KIF16B: variants seen among roughly 807,000 people sequenced by gnomAD.
The protein encoded by KIF16B is kinesin family member 16B, also known as kinesin-like protein KIF16B.
Under a neutral mutation model 156.3 loss-of-function variants are expected in KIF16B, and 98 were observed. The ratio of observed to expected loss-of-function variants is 0.63; its 90% CI spans 0.53 to 0.74. The LOEUF is 0.74. Among genes scored for constraint, KIF16B ranks in the 30% least tolerant of loss-of-function variants. The probability of loss-of-function intolerance (pLI) is 0.00; values close to 1 mark genes in which losing one functional copy is unlikely to be tolerated. For synonymous variants in KIF16B, 564 were observed against 583.7 expected (o/e 0.97, Z 0.49); for missense variants, 1,421 against 1,606.5 (o/e 0.88, Z 1.97).
At chr20:16,500,974 G>A (rs1019350259) in intron 10 of KIF16B, among the ~76,000 whole-genome samples, 2 of 152,016 alleles carry the variant, frequency 1.3e-5, no homozygotes, top group East Asian at 1.9e-4. Flanking sequence ...GAGAGATGAG[G>A]AAGTCAAGAG....
intron 12 of KIF16B, among the ~76,000 whole-genome samples, chr20:16,457,585 G>A (rs998801993): frequency 1.3e-5 from 2 of 152,156 alleles, no homozygotes; most frequent in Admixed American, 6.5e-5. Context: ...GCCTGGCAGT[G>A]GCTTGTAAGC....
chr20:16,562,850 TCA>T (rs2071116697), intron 1 of KIF16B, among the ~76,000 whole-genome samples: 1 of 152,158 alleles, frequency 6.6e-6, no homozygotes, highest in South Asian at 2.1e-4. Context: ...TCTTTGAGAC[TCA>T]GTTTCCCATC....
Position 16,273,004 on chromosome 20 carries a change from G to C in KIF16B, c.*249C>G. On this transcript the variant is annotated 3_prime_UTR_variant, in exon 26 of 26. Coordinates refer to ENST00000354981, the MANE Select transcript of KIF16B (RefSeq NM_024704.5). ...GCGCAGTGAGAAGGAAGCACTGTGGGAAAAGGCCACGTTCAACCGCAATGG... is the reference window on the plus strand; with the variant it reads ...GCGCAGTGAGAAGGAAGCACTGTGGCAAAAGGCCACGTTCAACCGCAATGG... The C allele has an allele frequency of 2.2e-6, 1 of 449,468 alleles. No individual in the cohort carries two copies. The allele number at this position is 449,468 out of a possible 1,614,324, so 27.8% of individuals were successfully genotyped here.
At chr20:16,367,484 A>C (rs764595611) in intron 22 of KIF16B, 1 of 1,612,918 alleles carries the variant, frequency 6.2e-7, no homozygotes, top group South Asian at 1.1e-5. Context: ...TAAAAAACAC[A>C]GTCTTCCTTC....
chr20:16,293,506 C>A (rs983759170), intron 25 of KIF16B, among the ~76,000 whole-genome samples: 4 of 152,130 alleles, frequency 2.6e-5, no homozygotes, highest in African/African-American at 7.2e-5. Context: ...TAGAAACTTA[C>A]CTCTCATACA....
chr20:16,364,097 G>A (rs1266564544), intron 22 of KIF16B, among the ~76,000 whole-genome samples: 2 of 152,166 alleles, frequency 1.3e-5, no homozygotes, highest in Non-Finnish European at 2.9e-5. Context: ...AAAAATTACT[G>A]TAATTACTAC....
intron 1 of KIF16B, among the ~76,000 whole-genome samples, chr20:16,528,671 C>T (rs1387140610): frequency 1.3e-5 from 2 of 152,030 alleles, no homozygotes; most frequent in Non-Finnish European, 2.9e-5. Flanking sequence ...TGTTGTTAAA[C>T]CCTGAAAGAA....
At chr20:16,349,704 T>C (rs2064298311) in intron 23 of KIF16B, among the ~76,000 whole-genome samples, 1 of 152,246 alleles carries the variant, frequency 6.6e-6, no homozygotes, top group Non-Finnish European at 1.5e-5. Flanking sequence ...TGTCAGTCCC[T>C]GGCCCCACGG....
intron 24 of KIF16B, among the ~76,000 whole-genome samples, chr20:16,327,177 T>C (rs191589289): frequency 6.6e-6 from 1 of 151,500 alleles, no homozygotes; most frequent in East Asian, 2.0e-4. Context: ...TTGGAGACCA[T>C]TATCCTAAGT....
intron 11 of KIF16B, among the ~76,000 whole-genome samples, chr20:16,495,336 T>G (rs1263556295): frequency 1.3e-5 from 2 of 152,200 alleles, no homozygotes; most frequent in African/African-American, 4.8e-5. Flanking sequence ...GTACTCTCAC[T>G]GCTAAGATAA....
intron 24 of KIF16B, among the ~76,000 whole-genome samples, chr20:16,327,552 T>A (rs2063877324): frequency 6.6e-6 from 1 of 152,126 alleles, no homozygotes; most frequent in African/African-American, 2.4e-5. Flanking sequence ...TGCTCCCAAT[T>A]ACACACTCCT....
At chr20:16,518,396 C>T (rs892782929) in intron 3 of KIF16B, among the ~76,000 whole-genome samples, 1 of 152,200 alleles carries the variant, frequency 6.6e-6, no homozygotes, top group Non-Finnish European at 1.5e-5. Context: ...CTGAAATCCA[C>T]CTTGCTGCCT....
chr20:16,446,573 A>C (rs1028604401), intron 12 of KIF16B, among the ~76,000 whole-genome samples: 3 of 152,174 alleles, frequency 2.0e-5, no homozygotes, highest in Non-Finnish European at 2.9e-5. Context: ...AAAATACAGA[A>C]ATGTTAGGTA....
At chr20:16,543,505 A>C (rs1027735777) in intron 1 of KIF16B, among the ~76,000 whole-genome samples, 1 of 152,216 alleles carries the variant, frequency 6.6e-6, no homozygotes, top group African/African-American at 2.4e-5. Flanking sequence ...ATTACACATA[A>C]CAGATGCCTT....
At chr20:16,391,613 G>A (rs573710861) in intron 17 of KIF16B, among the ~76,000 whole-genome samples, 46 of 152,334 alleles carry the variant, frequency 3.0e-4, no homozygotes, top group African/African-American at 1.1e-3. Context: ...GATGCATCTG[G>A]TGCCAACATG....
chr20:16,283,658 C>T (rs911352413), intron 25 of KIF16B, among the ~76,000 whole-genome samples: 3 of 152,294 alleles, frequency 2.0e-5, no homozygotes, highest in African/African-American at 7.2e-5. Flanking sequence ...TCTACAGCTG[C>T]ACAACAAATT....
At chr20:16,437,982 A>G (rs1329560667) in intron 12 of KIF16B, among the ~76,000 whole-genome samples, 1 of 124,380 alleles carries the variant, frequency 8.0e-6, no homozygotes, top group Non-Finnish European at 1.8e-5. Flanking sequence ...AAAATAAAAA[A>G]AAATAATAAA....
chr20:16,519,713 T>C (rs6044057), intron 3 of KIF16B, among the ~76,000 whole-genome samples: 16,435 of 152,270 alleles, frequency 0.11, 1,101 homozygotes, highest in East Asian at 0.33. Context: ...ACAAGTACTT[T>C]TGGTGGCTGG....
At chr20:16,419,104 G>C (rs985511192) in intron 15 of KIF16B, among the ~76,000 whole-genome samples, 3 of 152,114 alleles carry the variant, frequency 2.0e-5, no homozygotes, top group African/African-American at 7.2e-5. Flanking sequence ...TATCTAACAA[G>C]TTCTCAGGTA....
Sources: allele counts gnomAD v4.1 joint callset (sites outside exome capture counted in the v4.1 genomes callset), GRCh38; gene constraint gnomAD v4.1.1; transcripts MANE v1.5; gene names NCBI Gene and HGNC (gene_info 2026-07-23, HGNC 2026-07-21).